The following KLF10 variants were observed in gnomAD, a reference collection of about 807,000 sequenced individuals.
The protein encoded by KLF10 is KLF transcription factor 10.
Under a neutral mutation model 31.6 loss-of-function variants are expected in KLF10, and 17 were observed. The ratio of observed to expected loss-of-function variants is 0.54; its 90% CI spans 0.37 to 0.81. The LOEUF is 0.81. KLF10 is among the 30% of genes least tolerant of loss of function. The pLI is 0.00. For synonymous variants in KLF10, 239 were observed against 215.1 expected (o/e 1.11, Z -0.97); for missense variants, 525 against 598.1 (o/e 0.88, Z 1.27).
chr8:102,653,224 A>G (rs1401807905), intron 1 of KLF10, among the ~76,000 whole-genome samples: 1 of 152,252 alleles, frequency 6.6e-6, no homozygotes, highest in Non-Finnish European at 1.5e-5. Flanking sequence ...TTTGCCATAC[A>G]TAACTACAAC....
In KLF10 at chr8:102,652,045, T is replaced by C. The variant is rs765759982; in HGVS notation, c.287A>G (p.Tyr96Cys). The change falls in exon 3 of 4, where the codon TAC (tyrosine) becomes TGC (cysteine). Residue 96 changes from tyrosine (Y) to cysteine (C), a missense_variant. By Grantham distance (194) the Tyr-to-Cys change is radical. Coordinates refer to ENST00000285407, the MANE Select transcript of KLF10 (RefSeq NM_005655.4). ...AGAGGGTTCAAAGTCAGAAGGACTG[T>C]AAGGTGGAGTCAAACACTAAAGAAA... Reference protein sequence around the residue: ...TIPAFCLTPPYSPSDFEPSQV... With the variant: ...TIPAFCLTPPCSPSDFEPSQV... The C allele has an allele frequency of 1.2e-6, 2 of 1,600,728 alleles. No homozygotes were observed. The highest frequency in any genetic ancestry group is 1.8e-5 in the Admixed American group (1 of 56,958).
At position 102,651,845 on chromosome 8, in the gene KLF10, G is replaced by T. The variant is rs753216210; in HGVS notation, c.487C>A (p.Gln163Lys). Residue 163 changes from glutamine (Q) to lysine (K), a missense_variant, in exon 3 of 4, where the codon CAG becomes AAG. Gln to Lys is a moderately conservative substitution (Grantham distance 53). Transcript: ENST00000285407. ...GGGCAGGTCTGGTGGTTACATAGCT[G>T]GGCATCAGCTGTATGACGAATCACA... The part of the protein sequence containing the change: ...TSVIRHTADA[Q>K]LCNHQTCPMK... 1 of 1,614,182 alleles carries T rather than the reference G, an allele frequency of 6.2e-7. No individual in the cohort carries two copies. The highest frequency in any genetic ancestry group is 8.5e-7 in the Non-Finnish European group (1 of 1,180,024).
chr8:102,651,784 T>A lies in KLF10; in HGVS notation c.548A>T (p.Asn183Ile). ...TAGGTGGGTTCTTCTTCTAAAAGAA[T>A]TGTTCTGATAGTTGAGGATGCTGGC... ...KAASILNYQN[N>I]SFRRRTHLNV... Residue 183 changes from asparagine (N) to isoleucine (I), a missense_variant, in exon 3 of 4, where the codon AAT (asparagine) becomes ATT (isoleucine). Physicochemically the swap from Asn to Ile is moderately radical, Grantham distance 149 (BLOSUM62 -3). Around this residue, in one of 3 missense-constraint regions of KLF10, gnomAD observed 434 missense variants for 450.7 expected, o/e 0.96. Transcript: ENST00000285407. 6.2e-7 allele frequency: 1 copy of A among 1,614,234 alleles called. No homozygotes were observed. Among genetic ancestry groups the A allele is most frequent in the Non-Finnish European group, 8.5e-7 (1 of 1,180,044 alleles).
In KLF10 at chr8:102,651,973, T is replaced by C; in HGVS notation, c.359A>G (p.Lys120Arg). 1 of 1,614,008 alleles carries C rather than the reference T, an allele frequency of 6.2e-7. No homozygotes were observed. Among genetic ancestry groups the C allele is most frequent in the Non-Finnish European group, 8.5e-7 (1 of 1,180,016 alleles). ...MAPAPSTVHF[K>R]SLSDTAKPHI... Reference sequence around the variant, plus strand: ...AGGTTTGGCAGTATCTGAGAGTGACTTGAAGTGTACAGTAGATGGCGCTGG... The same window carrying C: ...AGGTTTGGCAGTATCTGAGAGTGACCTGAAGTGTACAGTAGATGGCGCTGG... The change falls in exon 3 of 4, where the codon AAG becomes AGG. Residue 120 changes from lysine (K) to arginine (R), a missense_variant. Lys to Arg is a conservative substitution (Grantham distance 26). Around this residue, in one of 3 missense-constraint regions of KLF10, gnomAD observed 434 missense variants for 450.7 expected, o/e 0.96. Coordinates refer to ENST00000285407, the MANE Select transcript of KLF10 (RefSeq NM_005655.4).
chr8:102,653,364 C>G, intron 1 of KLF10: 1 of 1,011,276 alleles, frequency 9.9e-7, no homozygotes, highest in Non-Finnish European at 1.4e-6. Flanking sequence ...TAAAGAACTG[C>G]TTGATGACAA....
rs535965206 is a variant in KLF10, at chr8:102,652,256, C to A, written c.178G>T (p.Val60Phe). 138 of 1,613,400 alleles carry A rather than the reference C, an allele frequency of 8.6e-5. 1 individual carries two copies. The South Asian group carries it at 1.2e-3, about 14-fold the overall frequency. Residue 60 changes from valine to phenylalanine, a missense_variant, in exon 2 of 4, where the codon GTT becomes TTT. Val to Phe is a conservative substitution (Grantham distance 50). Around this residue, in one of 3 missense-constraint regions of KLF10, gnomAD observed 434 missense variants for 450.7 expected, o/e 0.96. Transcript: ENST00000285407. ...ACTGGTGTAACAGGTCTGTTTTCAA[C>A]GTATTTCTTAAAATCAGACTTCCAA... ...CSWKSDFKKY[V>F]ENRPVTPVSD...
Position 102,650,305 on chromosome 8 carries a change from T to C in KLF10, c.1270A>G (p.Thr424Ala). Reference sequence around the variant, plus strand: ...GGGCACGCAAATTTCTTCTCACCCGTGTGGGTTCGCCTGTGTCTGGACAGT... The same window carrying C: ...GGGCACGCAAATTTCTTCTCACCCGCGTGGGTTCGCCTGTGTCTGGACAGT... ...DELSRHRRTH[T>A]GEKKFACPMC... The change falls in exon 4 of 4, where the codon ACG (threonine) becomes GCG (alanine). Residue 424 changes from threonine to alanine, a missense_variant. Physicochemically the swap from Thr to Ala is moderately conservative, Grantham distance 58 (BLOSUM62 0). Around this residue, in one of 3 missense-constraint regions of KLF10, gnomAD observed 49 missense variants for 105.0 expected, o/e 0.47. Coordinates refer to ENST00000285407, the MANE Select transcript of KLF10 (RefSeq NM_005655.4). The C allele has an allele frequency of 6.2e-7, 1 of 1,614,206 alleles. No homozygotes were observed. The highest frequency in any genetic ancestry group is 1.1e-5 in the South Asian group (1 of 91,088).
rs1460292537 is a variant in KLF10, at chr8:102,651,611, A to G, written c.721T>C (p.Cys241Arg). ...GACACAGGGGCTGGCTGAGACCTGC[A>G]GATGACCGTCTCTGAGGAAGGCACA... ...FSVPSSETVI[C>R]RSQPAPVSPQ... Residue 241 changes from cysteine (C) to arginine (R), a missense_variant, in exon 3 of 4, where the codon TGC becomes CGC. Cys to Arg is a radical substitution (Grantham distance 180). Coordinates refer to ENST00000285407, the MANE Select transcript of KLF10 (RefSeq NM_005655.4). 11 of 1,614,122 alleles carry G rather than the reference A, an allele frequency of 6.8e-6. No individual in the cohort carries two copies. Among genetic ancestry groups the G allele is most frequent in the Non-Finnish European group, 9.3e-6 (11 of 1,180,056 alleles).
Position 102,653,990 on chromosome 8 carries a change from A to T in KLF10, c.36+1576T>A, listed in dbSNP as rs117431243. ...GAGGCTCACGGGTGAGTCACTGGGA[A>T]CATTCCTCGCCGCTCGCACGTCCCC... On this transcript the variant is annotated intron_variant, in intron 1 of 3. Transcript: ENST00000285407. The T allele has an allele frequency of 0.043, 42,572 of 984,780 alleles. 934 individuals carry two copies. The highest frequency in any genetic ancestry group is 0.048 in the Non-Finnish European group (39,526 of 829,516). The allele number at this position is 984,780 out of a possible 1,614,324, so 61.0% of individuals were successfully genotyped here.
rs545305135 is a variant in KLF10 at position 102,651,360 on chromosome 8, G to A, written c.972C>T (p.Pro324=). ...KGAVMFVVPQ[P]VVQSSKPPVV... ...CCGGAGGCTTTGAACTCTGCACAAC[G>A]GGCTGGGGTACCACAAACATGACAG... The change falls in exon 3 of 4, where the codon CCC becomes CCT. Residue 324 remains proline, a synonymous_variant. Coordinates refer to ENST00000285407, the MANE Select transcript of KLF10 (RefSeq NM_005655.4). 1.2e-5 allele frequency: 19 copies of A among 1,598,378 alleles called. No individual in the cohort carries two copies. Among genetic ancestry groups the A allele is most frequent in the Admixed American group, 1.7e-5 (1 of 58,830 alleles).
In KLF10 at chr8:102,652,420, C is replaced by CTA. The variant is rs762968575; in HGVS notation, c.37-24_37-23insTA. 4.4e-5 allele frequency: 61 copies of CTA among 1,391,900 alleles called. No individual in the cohort carries two copies. In the South Asian group the frequency reaches 8.7e-4, roughly 20 times the overall value. The allele number at this position is 1,391,900 out of a possible 1,614,324, so 86.2% of individuals were successfully genotyped here. On this transcript the variant is annotated intron_variant, in intron 1 of 3. Transcript: ENST00000285407. ...CTCCTATAAAAACAAAAGAGGAAAG[C>CTA]TTATAAGCATATTTTTTGTCATCCA...
intron 2 of KLF10, 39 bp from the exon 3 acceptor site, chr8:102,652,100 GT>G (rs2131080635): frequency 2.0e-6 from 3 of 1,497,234 alleles, no homozygotes; most frequent in Non-Finnish European, 2.7e-6. Flanking sequence ...GAAATCTACA[GT>G]TTATTATATA....
intron 1 of KLF10, 51 bp downstream of exon 1, chr8:102,655,515 C>G: frequency 6.2e-7 from 1 of 1,612,118 alleles, no homozygotes; most frequent in Non-Finnish European, 8.5e-7. Flanking sequence ...CCCTTTGGCC[C>G]CCCAGACAAG....
Position 102,651,423 on chromosome 8 carries a change from G to A in KLF10, c.909C>T (p.Pro303=), listed in dbSNP as rs780963677. The change falls in exon 3 of 4, where the codon CCC becomes CCT. Residue 303 remains proline (P), a synonymous_variant. Transcript: ENST00000285407. ...CTTGTGTGCCCATGAACACAACAGG[G>A]GGGCAAACGGCTGGTGGCTGGCTGG... ...TPPSQPPAVC[P]PVVFMGTQVP... The A allele has an allele frequency of 6.8e-6, 11 of 1,613,498 alleles. No homozygotes were observed. Among genetic ancestry groups the A allele is most frequent in the Middle Eastern group, 1.6e-4 (1 of 6,074 alleles).
intron 1 of KLF10, chr8:102,654,057 G>C (rs1008153567): frequency 2.2e-6 from 2 of 891,566 alleles, no homozygotes; most frequent in Admixed American, 6.2e-5. Context: ...TCGGCGGCCC[G>C]AGCCCGGATT....
In KLF10 at chr8:102,651,915, C is replaced by G. The variant is rs993276012; in HGVS notation, c.417G>C (p.Lys139Asn). 32 of 1,613,904 alleles carry G rather than the reference C, an allele frequency of 2.0e-5. No individual in the cohort carries two copies. Among genetic ancestry groups the G allele is most frequent in the Non-Finnish European group, 2.5e-5 (29 of 1,180,030 alleles). The change falls in exon 3 of 4, where the codon AAG (lysine) becomes AAC (asparagine). Residue 139 changes from lysine to asparagine, a missense_variant. Around this residue, in one of 3 missense-constraint regions of KLF10, gnomAD observed 434 missense variants for 450.7 expected, o/e 0.96. Transcript: ENST00000285407. ...GGAGTTTGGGGGCAGATACTGGGCT[C>G]TTTTCTTCCTCTTTGAAAGGTGCGG... Reference protein sequence around the residue: ...HIAAPFKEEEKSPVSAPKLPK... With the variant: ...HIAAPFKEEENSPVSAPKLPK...
chr8:102,653,973 C>T, intron 1 of KLF10: 1 of 985,680 alleles, frequency 1.0e-6, no homozygotes, highest in South Asian at 4.6e-5. Flanking sequence ...ATGAGGCTCA[C>T]GGGTGAGTCA....
intron 1 of KLF10, chr8:102,654,049 G>A (rs866095970): frequency 4.3e-6 from 4 of 933,130 alleles, no homozygotes; most frequent in Admixed American, 6.2e-5. Flanking sequence ...CGGCCGGCTC[G>A]GCGGCCCGAG....
At chr8:102,653,836 G>A in intron 1 of KLF10, 1 of 1,006,562 alleles carries the variant, frequency 9.9e-7, no homozygotes, top group Non-Finnish European at 1.2e-6. Flanking sequence ...GAAAGGGAGT[G>A]GGGCGCGAGG....
Sources: allele counts gnomAD v4.1 joint callset (sites outside exome capture counted in the v4.1 genomes callset), GRCh38; gene constraint gnomAD v4.1.1; regional missense constraint gnomAD v4.1.1; transcripts MANE v1.5; gene names NCBI Gene and HGNC (gene_info 2026-07-23, HGNC 2026-07-21).